Variants in POT1 observed in about 807,000 individuals in gnomAD.
The protein encoded by POT1 is protection of telomeres protein 1.
Under a neutral mutation model 78.5 loss-of-function variants are expected in POT1, and 47 were observed. That is an observed-to-expected ratio of 0.60 (90% confidence interval 0.47 to 0.76). The LOEUF (loss-of-function observed/expected upper bound fraction) is 0.76, where lower values mean the gene tolerates loss of function less well. POT1 is among the 30% of genes least tolerant of loss of function. The probability of loss-of-function intolerance (pLI) is 0.00; values close to 1 mark genes in which losing one functional copy is unlikely to be tolerated. For synonymous variants in POT1, 259 were observed against 260.7 expected (o/e 0.99, Z 0.06); for missense variants, 646 against 749.9 (o/e 0.86, Z 1.62).
chr7:124,873,934 T>C (rs1313524663), intron 6 of POT1, among the ~76,000 whole-genome samples: 5 of 152,114 alleles, frequency 3.3e-5, no homozygotes, highest in African/African-American at 1.2e-4. Flanking sequence ...ACAGTGAAGA[T>C]GGGAGCCACT....
intron 9 of POT1, among the ~76,000 whole-genome samples, chr7:124,855,935 T>C (rs1323951343): frequency 6.6e-6 from 1 of 152,108 alleles, no homozygotes; most frequent in Non-Finnish European, 1.5e-5. Flanking sequence ...AAGCTTTAGT[T>C]TCCAGACAAA....
chr7:124,835,062 G>A (rs1794857627), intron 15 of POT1, among the ~76,000 whole-genome samples: 1 of 152,088 alleles, frequency 6.6e-6, no homozygotes, highest in South Asian at 2.1e-4. Context: ...ATGGAGACAG[G>A]GAGGGGAACA....
intron 2 of POT1, among the ~76,000 whole-genome samples, chr7:124,922,010 G>A (rs1797162675): frequency 6.6e-6 from 1 of 151,740 alleles, no homozygotes; most frequent in Non-Finnish European, 1.5e-5. Flanking sequence ...TCCAACTGCT[G>A]AAACTAAAAG....
chr7:124,851,728 C>G (rs1410418781), intron 11 of POT1, 144 bp downstream of exon 11: 2 of 658,178 alleles, frequency 3.0e-6, no homozygotes, highest in East Asian at 5.7e-5. Context: ...TTGGCATAGG[C>G]CACAGATAAA....
intron 6 of POT1, among the ~76,000 whole-genome samples, chr7:124,881,569 A>T (rs1796119597): frequency 6.6e-6 from 1 of 152,000 alleles, no homozygotes; most frequent in Non-Finnish European, 1.5e-5. Context: ...GCATGAAGGG[A>T]ACCACACTAC....
intron 14 of POT1, among the ~76,000 whole-genome samples, chr7:124,836,517 A>G (rs1348736390): frequency 6.6e-6 from 1 of 152,040 alleles, no homozygotes; most frequent in African/African-American, 2.4e-5. Flanking sequence ...TGCTGAAGAG[A>G]CTCCTGCCTA....
chr7:124,906,512 A>G (rs974091491), intron 3 of POT1, among the ~76,000 whole-genome samples: 2 of 150,350 alleles, frequency 1.3e-5, no homozygotes, highest in African/African-American at 4.9e-5. Context: ...GGGGAGAGGG[A>G]TAGCATTAGG....
intron 4 of POT1, among the ~76,000 whole-genome samples, chr7:124,897,925 A>G (rs1396531617): frequency 1.3e-5 from 2 of 151,974 alleles, no homozygotes; most frequent in Admixed American, 1.3e-4. Context: ...CGTTTTACCT[A>G]AAGAGGGGTA....
At chr7:124,853,254 T>C (rs1795361513) in intron 9 of POT1, 116 bp from the exon 10 acceptor site, 3 of 736,618 alleles carry the variant, frequency 4.1e-6, no homozygotes, top group Admixed American at 5.9e-5. Context: ...TCAGGAAATA[T>C]ACTAAAGTAT....
chr7:124,902,626 A>G lies in POT1; in HGVS notation c.-153-4252T>C, dbSNP rs187124196. Among the ~76,000 whole-genome samples, 134 of 152,370 alleles carry G rather than the reference A, an allele frequency of 8.8e-4. No individual in the cohort carries two copies. The East Asian group carries it at 0.019, about 21-fold the overall frequency. Reference sequence around the variant, plus strand: ...GAAGAAACTGCATCAACTAATGAGCAAAATAACCAGCTAACATCATAATGG... The same window carrying G: ...GAAGAAACTGCATCAACTAATGAGCGAAATAACCAGCTAACATCATAATGG... On this transcript the variant is annotated intron_variant, in intron 3 of 18. Transcript: ENST00000357628.
intron 2 of POT1, among the ~76,000 whole-genome samples, chr7:124,927,831 T>A (rs1352987225): frequency 1.3e-5 from 2 of 152,184 alleles, no homozygotes; most frequent in Non-Finnish European, 2.9e-5. Context: ...GGCTAGGAAT[T>A]AGAAACAGAA....
chr7:124,870,966 T>G lies in POT1; in HGVS notation c.200A>C (p.Glu67Ala). ...ATTTTTATAAATTATTGGAAGGGCT[T>G]CATAGTTTCCACTAAAGAGCAGGCA... Reference protein sequence around the residue: ...LTCLLFSGNYEALPIIYKNGD... With the variant: ...LTCLLFSGNYAALPIIYKNGD... Residue 67 changes from glutamate (E) to alanine (A), a missense_variant, in exon 7 of 19, where the codon GAA becomes GCA. Physicochemically the swap from Glu to Ala is moderately radical, Grantham distance 107. Coordinates refer to ENST00000357628, the MANE Select transcript of POT1 (RefSeq NM_015450.3). 1 of 1,610,720 alleles carries G rather than the reference T, an allele frequency of 6.2e-7. No individual in the cohort carries two copies. Among genetic ancestry groups the G allele is most frequent in the African/African-American group, 1.3e-5 (1 of 74,958 alleles).
chr7:124,844,332 T>A (rs1411272064), intron 12 of POT1, among the ~76,000 whole-genome samples: 2 of 151,416 alleles, frequency 1.3e-5, no homozygotes, highest in East Asian at 3.9e-4. Flanking sequence ...TTTCTCCATG[T>A]TGGTCAGGCT....
At chr7:124,840,655 A>C (rs1562980571) in intron 14 of POT1, 1 of 185,704 alleles carries the variant, frequency 5.4e-6, no homozygotes. Context: ...GCAATGGTAC[A>C]TAAGCAATCA....
At chr7:124,896,880 A>G (rs1480719954) in intron 5 of POT1, among the ~76,000 whole-genome samples, 1 of 151,812 alleles carries the variant, frequency 6.6e-6, no homozygotes, top group Non-Finnish European at 1.5e-5. Context: ...GGATCTTCAT[A>G]CAGTAAAAAC....
chr7:124,832,032 C>T (rs1265205523), intron 15 of POT1, among the ~76,000 whole-genome samples: 3 of 147,018 alleles, frequency 2.0e-5, no homozygotes, highest in Non-Finnish European at 4.5e-5. Context: ...AGTTTGGAGG[C>T]CAAGGTAGGC....
At chr7:124,874,936 A>C (rs2116579159) in intron 6 of POT1, among the ~76,000 whole-genome samples, 1 of 151,984 alleles carries the variant, frequency 6.6e-6, no homozygotes, top group Admixed American at 6.5e-5. Flanking sequence ...GGGTGAAATA[A>C]CTTGGAACCA....
chr7:124,847,110 T>G, intron 11 of POT1, 112 bp from the exon 12 acceptor site: 1 of 658,182 alleles, frequency 1.5e-6, no homozygotes, highest in Non-Finnish European at 2.7e-6. Context: ...AATGGTGAGA[T>G]ATGCCACATT....
In POT1 at chr7:124,823,856, T is replaced by C; in HGVS notation, c.*106A>G. The C allele has an allele frequency of 1.4e-6, 1 of 737,750 alleles. No homozygotes were observed. 45.7% of individuals were successfully genotyped at this position (737,750 alleles called of 1,614,324 possible). A position where few individuals can be genotyped will look rare whatever the true frequency, so the allele number is the denominator to read the frequency against. ...AGGACATTTTCTAATCCCATACCCATGCTAACATCATCAACATTGCTGATA... is the reference window on the plus strand; with the variant it reads ...AGGACATTTTCTAATCCCATACCCACGCTAACATCATCAACATTGCTGATA... On this transcript the variant is annotated 3_prime_UTR_variant, in exon 19 of 19. Transcript: ENST00000357628.
Sources: gnomAD v4.1 joint callset for allele counts (sites outside exome capture counted in the v4.1 genomes callset) on GRCh38, gnomAD v4.1.1 for gene constraint, MANE v1.5 for transcripts, NCBI Gene and HGNC (gene_info 2026-07-23, HGNC 2026-07-21) for gene names.